The following CYP4X1 variants were observed in gnomAD, a reference collection of about 807,000 sequenced individuals.
The protein encoded by CYP4X1 is cytochrome P450 family 4 subfamily X member 1, also known as cytochrome P450 4X1.
Under a neutral mutation model 57.9 loss-of-function variants are expected in CYP4X1, and 44 were observed. The observed-to-expected ratio is 0.76, with a 90% CI of 0.60 to 0.98. The LOEUF (loss-of-function observed/expected upper bound fraction) is 0.98, where lower values mean the gene tolerates loss of function less well. Ranked by LOEUF, CYP4X1 falls within the 50% of genes least tolerant of loss-of-function variation. CYP4X1 has a pLI of 0.00. For missense variants in CYP4X1, 532 were observed against 623.9 expected, an observed-to-expected ratio of 0.85 and a Z score of 1.57; for synonymous variants, 227 against 228.6, an observed-to-expected ratio of 0.99 and a Z score of 0.06.
the CYP4X1 span, among the ~76,000 whole-genome samples, chr1:46,979,324 A>T: frequency 6.6e-6 from 1 of 152,222 alleles, no homozygotes; most frequent in Non-Finnish European, 1.5e-5. Context: ...AATACAAACT[A>T]CCGTCAGAGA....
the CYP4X1 span, among the ~76,000 whole-genome samples, chr1:46,968,214 G>T: frequency 6.6e-6 from 1 of 152,152 alleles, no homozygotes; most frequent in East Asian, 1.9e-4. Context: ...CCAGGCTTCT[G>T]CCTCCCCTTA....
the CYP4X1 span, among the ~76,000 whole-genome samples, chr1:46,975,055 T>C: frequency 2.0e-5 from 3 of 152,214 alleles, no homozygotes; most frequent in Non-Finnish European, 4.4e-5. Flanking sequence ...TTATCCTTTG[T>C]ATCATAAAAA....
the CYP4X1 span, among the ~76,000 whole-genome samples, chr1:47,000,335 C>T: frequency 1.3e-5 from 2 of 152,064 alleles, no homozygotes; most frequent in African/African-American, 2.4e-5. Context: ...TTATAAACAA[C>T]TCAGTGTCAG....
rs758522216 is a variant in CYP4X1, at chr1:47,036,073, G to A, written c.677G>A (p.Arg226His). 47 of 1,613,578 alleles carry A rather than the reference G, an allele frequency of 2.9e-5. No individual in the cohort carries two copies. The East Asian group carries it at 6.2e-4, about 21-fold the overall frequency. ...IFELSKIIFH[R>H]LYSLLYHSDI... Reference sequence around the variant, plus strand: ...GAACTCAGCAAAATCATATTTCACCGCTTGTACAGTTTGTTGTATCACAGT... The same window carrying A: ...GAACTCAGCAAAATCATATTTCACCACTTGTACAGTTTGTTGTATCACAGT... Residue 226 changes from arginine to histidine, a missense_variant, in exon 6 of 12, where the codon CGC becomes CAC. Transcript: ENST00000371901.
intron 2 of CYP4X1, 115 bp from the exon 3 acceptor site, chr1:47,031,321 T>C (rs922487062): frequency 7.9e-7 from 1 of 1,269,876 alleles, no homozygotes. Flanking sequence ...CCCTGGGCTC[T>C]CTTTTTCTCA....
the CYP4X1 span, among the ~76,000 whole-genome samples, chr1:46,999,775 A>G: frequency 1.3e-5 from 2 of 150,786 alleles, no homozygotes; most frequent in Admixed American, 1.3e-4. Flanking sequence ...TTTAACTTGT[A>G]CATGGTATAG....
upstream of CYP4X1, among the ~76,000 whole-genome samples, chr1:47,022,275 G>A (rs991433524): frequency 6.6e-6 from 1 of 150,440 alleles, no homozygotes; most frequent in African/African-American, 2.4e-5. Flanking sequence ...ACCACCCCTG[G>A]GGCCTGTCTT....
chr1:47,048,673 T>C, intron 10 of CYP4X1, 44 bp downstream of exon 10: 5 of 1,550,034 alleles, frequency 3.2e-6, no homozygotes, highest in Non-Finnish European at 4.4e-6. Context: ...GAACTAATGC[T>C]GTGCAAGTCA....
intron 8 of CYP4X1, among the ~76,000 whole-genome samples, chr1:47,041,665 T>C (rs1644247986): frequency 1.3e-5 from 2 of 152,178 alleles, no homozygotes; most frequent in African/African-American, 4.8e-5. Context: ...GTTCCTCATA[T>C]ATTTTGAATA....
At chr1:46,964,701 G>T in the CYP4X1 span, among the ~76,000 whole-genome samples, 1 of 152,206 alleles carries the variant, frequency 6.6e-6, no homozygotes, top group East Asian at 1.9e-4. Flanking sequence ...CCCACTTGAG[G>T]TGGCAGTCTG....
chr1:47,014,084 C>T, the CYP4X1 span, among the ~76,000 whole-genome samples: 486 of 152,138 alleles, frequency 3.2e-3, no homozygotes, highest in African/African-American at 0.011. Context: ...CCTCAATGTA[C>T]TTTTAAATTT....
Position 47,038,721 on chromosome 1 carries a change from G to A in CYP4X1, c.837G>A (p.Pro279=), listed in dbSNP as rs371712304. Residue 279 remains proline, a synonymous_variant, in exon 7 of 12, where the codon CCG becomes CCA. Transcript: ENST00000371901. ...LQAGVKQDNT[P]KRKYQDFLDI... is the part of the protein sequence containing the mutation. The stretch of plus-strand genomic sequence containing the variant: ...CTGGGGTAAAGCAGGATAACACTCC[G>A]AAGAGGAAGTACCAGGATTTTCTGG... 141 of 1,611,210 alleles carry A rather than the reference G, an allele frequency of 8.8e-5. 1 individual carries two copies. Among genetic ancestry groups the A allele is most frequent in the African/African-American group, 6.7e-5 (5 of 74,752 alleles).
the CYP4X1 span, among the ~76,000 whole-genome samples, chr1:47,006,772 C>A: frequency 2.0e-5 from 3 of 152,226 alleles, no homozygotes; most frequent in Non-Finnish European, 4.4e-5. Flanking sequence ...AAACGGCACA[C>A]CAGGAGATTA....
intron 8 of CYP4X1, among the ~76,000 whole-genome samples, chr1:47,044,363 C>T (rs1418149114): frequency 6.6e-6 from 1 of 152,170 alleles, no homozygotes; most frequent in Non-Finnish European, 1.5e-5. Context: ...AAAAACTATA[C>T]ACTTTTACTC....
upstream of CYP4X1, among the ~76,000 whole-genome samples, chr1:47,022,483 G>T (rs1450328249): frequency 6.6e-6 from 1 of 151,908 alleles, no homozygotes; most frequent in African/African-American, 2.4e-5. Context: ...TAGAGATGGG[G>T]TTTCACCATC....
At chr1:47,046,436 T>C (rs1393405277) in intron 8 of CYP4X1, 31 bp from the exon 9 acceptor site, 2 of 1,613,006 alleles carry the variant, frequency 1.2e-6, no homozygotes, top group South Asian at 1.1e-5. Context: ...GGTTATGATA[T>C]CTGAGTCCCT....
At chr1:46,977,830 T>TA in the CYP4X1 span, among the ~76,000 whole-genome samples, 1 of 151,682 alleles carries the variant, frequency 6.6e-6, no homozygotes, top group Non-Finnish European at 1.5e-5. Context: ...TCAACATTCT[T>TA]AAAAAAAAGA....
the CYP4X1 span, among the ~76,000 whole-genome samples, chr1:47,001,791 C>T: frequency 6.6e-5 from 10 of 152,356 alleles, no homozygotes; most frequent in South Asian, 2.1e-3. Context: ...CTCTTCATCA[C>T]AGCGGGGACA....
At chr1:46,983,632 C>T in the CYP4X1 span, among the ~76,000 whole-genome samples, 1 of 152,146 alleles carries the variant, frequency 6.6e-6, no homozygotes, top group East Asian at 1.9e-4. Flanking sequence ...CAGGGACGTG[C>T]ATGGAAAACA....
Sources: gnomAD v4.1 joint callset for allele counts (sites outside exome capture counted in the v4.1 genomes callset) on GRCh38, gnomAD v4.1.1 for gene constraint, MANE v1.5 for transcripts, NCBI Gene and HGNC (gene_info 2026-07-23, HGNC 2026-07-21) for gene names.